Variants in WASF3 observed in about 807,000 individuals in gnomAD.
WASF3 encodes actin-binding protein WASF3.
WASF3 carries 11 observed loss-of-function variants against 46.6 expected under a neutral mutation model. The observed-to-expected ratio is 0.24, with a 90% CI of 0.15 to 0.39. The LOEUF (loss-of-function observed/expected upper bound fraction) is 0.39, where lower values mean the gene tolerates loss of function less well. WASF3 is among the 10% of genes least tolerant of loss of function. The probability of loss-of-function intolerance (pLI) is 1.00; values close to 1 mark genes in which losing one functional copy is unlikely to be tolerated. For missense variants in WASF3, 576 were observed against 669.8 expected (o/e 0.86, Z 1.55); for synonymous variants, 242 against 259.7 (o/e 0.93, Z 0.65).
At chr13:26,577,326 A>G (rs1042628549) in intron 1 of WASF3, 10 of 755,798 alleles carry the variant, frequency 1.3e-5, no homozygotes, top group Admixed American at 8.6e-5. Flanking sequence ...CAATGTAACA[A>G]TCCGATATGG....
intron 3 of WASF3, among the ~76,000 whole-genome samples, chr13:26,649,707 A>G (rs1882255521): frequency 1.3e-5 from 2 of 152,180 alleles, no homozygotes; most frequent in African/African-American, 4.8e-5. Context: ...TCTGCCAGCA[A>G]CCTTACCAGG....
intron 6 of WASF3, among the ~76,000 whole-genome samples, chr13:26,675,838 G>T (rs147432433): frequency 2.1e-3 from 327 of 152,214 alleles, no homozygotes; most frequent in African/African-American, 6.7e-3. Flanking sequence ...GGGAAACGTA[G>T]GAAATAAAGA....
chr13:26,583,284 GA>G (rs1218696081), intron 1 of WASF3, among the ~76,000 whole-genome samples: 2 of 152,156 alleles, frequency 1.3e-5, no homozygotes. Flanking sequence ...AGCAAGGACA[GA>G]AAAAACAATT....
rs1351611210 is a variant in WASF3 at position 26,666,201 on chromosome 13, A to C, written c.268+1039A>C. Among the ~76,000 whole-genome samples the C allele has an allele frequency of 3.3e-5, 5 of 152,212 alleles. No individual in the cohort carries two copies. In the East Asian group the frequency reaches 9.6e-4, roughly 29 times the overall value. ...TCTTACTTTTCCAACAATAAGTATTAGTTGGTCTGTTCAGGTAAGGAATTC... is the reference window on the plus strand; with the variant it reads ...TCTTACTTTTCCAACAATAAGTATTCGTTGGTCTGTTCAGGTAAGGAATTC... On this transcript the variant is annotated intron_variant, in intron 4 of 9. Transcript: ENST00000335327.
intron 3 of WASF3, among the ~76,000 whole-genome samples, chr13:26,643,083 GA>G (rs1882047949): frequency 6.6e-6 from 1 of 152,116 alleles, no homozygotes; most frequent in Non-Finnish European, 1.5e-5. Flanking sequence ...AATATCTGAA[GA>G]ATATTTTATA....
intron 2 of WASF3, among the ~76,000 whole-genome samples, chr13:26,614,921 G>A (rs1737999846): frequency 7.0e-6 from 1 of 142,660 alleles, no homozygotes; most frequent in African/African-American, 2.6e-5. Context: ...GCATTTCCAG[G>A]CTTTTTGTAG....
chr13:26,615,534 C>G (rs1881106658), intron 2 of WASF3, among the ~76,000 whole-genome samples: 1 of 152,122 alleles, frequency 6.6e-6, no homozygotes, highest in Non-Finnish European at 1.5e-5. Context: ...GTCTCGATCT[C>G]CTGACCTTGT....
At chr13:26,579,346 T>G (rs193216456) in intron 1 of WASF3, among the ~76,000 whole-genome samples, 2 of 152,178 alleles carry the variant, frequency 1.3e-5, no homozygotes, top group South Asian at 4.1e-4. Context: ...AAATTAATTA[T>G]AGTAATTATT....
chr13:26,603,563 C>A (rs1880705081), intron 1 of WASF3, among the ~76,000 whole-genome samples: 1 of 152,086 alleles, frequency 6.6e-6, no homozygotes, highest in Non-Finnish European at 1.5e-5. Context: ...TGTGGTGGTT[C>A]ACACCTATAA....
At chr13:26,583,604 A>G (rs1880046433) in intron 1 of WASF3, among the ~76,000 whole-genome samples, 1 of 152,190 alleles carries the variant, frequency 6.6e-6, no homozygotes, top group South Asian at 2.1e-4. Flanking sequence ...TATGAATTTG[A>G]TTATATTACT....
chr13:26,653,352 C>CCATTTCTTG (rs976515559), intron 3 of WASF3, among the ~76,000 whole-genome samples: 3 of 152,188 alleles, frequency 2.0e-5, no homozygotes, highest in Non-Finnish European at 4.4e-5. Flanking sequence ...CCCTGTCATC[C>CCATTTCTTG]CATTTCTTGC....
At chr13:26,626,815 A>G (rs1275564821) in intron 2 of WASF3, among the ~76,000 whole-genome samples, 3 of 152,220 alleles carry the variant, frequency 2.0e-5, no homozygotes, top group African/African-American at 7.2e-5. Context: ...AGAAGACTTA[A>G]TAATCTTAAA....
At chr13:26,600,065 G>T (rs9512283) in intron 1 of WASF3, among the ~76,000 whole-genome samples, 5 of 152,072 alleles carry the variant, frequency 3.3e-5, no homozygotes, top group African/African-American at 1.2e-4. Context: ...ATTAAATGAT[G>T]CAGAAGTACA....
At chr13:26,581,828 T>G (rs1437162348) in intron 1 of WASF3, among the ~76,000 whole-genome samples, 1 of 152,108 alleles carries the variant, frequency 6.6e-6, no homozygotes, top group East Asian at 1.9e-4. Flanking sequence ...CAGAGGAAAA[T>G]AAAGTGATTC....
chr13:26,647,089 G>T (rs754040665), intron 3 of WASF3, among the ~76,000 whole-genome samples: 9 of 152,156 alleles, frequency 5.9e-5, no homozygotes, highest in Non-Finnish European at 1.3e-4. Flanking sequence ...TTTTGTCACC[G>T]TTAAATTTTT....
intron 5 of WASF3, among the ~76,000 whole-genome samples, chr13:26,670,175 C>T (rs577229974): frequency 6.6e-6 from 1 of 152,212 alleles, no homozygotes; most frequent in Non-Finnish European, 1.5e-5. Flanking sequence ...ACTATGCAGC[C>T]ATAAAAAAGA....
rs539388836 is a variant in WASF3 at position 26,596,477 on chromosome 13, G to T, written c.-108-16484G>T. Among the ~76,000 whole-genome samples, 43 of 151,786 alleles carry T rather than the reference G, an allele frequency of 2.8e-4. No individual in the cohort carries two copies. The Middle Eastern group carries it at 0.01, about 36-fold the overall frequency. ...TCATATTCTGACTTTAATTATTTTT[G>T]ATAAAATTTAGCCTTCTTAAATGTT... On this transcript the variant is annotated intron_variant, in intron 1 of 9. Transcript: ENST00000335327.
intron 3 of WASF3, among the ~76,000 whole-genome samples, chr13:26,645,901 G>A (rs1459337522): frequency 6.6e-6 from 1 of 152,116 alleles, no homozygotes; most frequent in Non-Finnish European, 1.5e-5. Flanking sequence ...ACAATAAGAG[G>A]AAGTTCAATA....
chr13:26,574,194 G>T (rs970661710), intron 1 of WASF3, among the ~76,000 whole-genome samples: 8 of 152,160 alleles, frequency 5.3e-5, no homozygotes, highest in Admixed American at 1.3e-4. Flanking sequence ...TATATTCTCT[G>T]TTACCAGAGT....
Sources: allele counts gnomAD v4.1 joint callset (sites outside exome capture counted in the v4.1 genomes callset), GRCh38; gene constraint gnomAD v4.1.1; transcripts MANE v1.5; gene names NCBI Gene and HGNC (gene_info 2026-07-23, HGNC 2026-07-21).